WDR47: variants seen among roughly 807,000 people sequenced by gnomAD.
WDR47 encodes WD repeat-containing protein 47.
A neutral mutation model predicts 97.2 loss-of-function variants in WDR47; 32 were observed. That is an observed-to-expected ratio of 0.33 (90% CI 0.25 to 0.44). The LOEUF is 0.44. Ranked by LOEUF, WDR47 falls within the 20% of genes least tolerant of loss-of-function variation. WDR47 has a pLI of 1.00. For missense variants in WDR47, 782 were observed against 1,102.3 expected (o/e 0.71, Z 4.11); for synonymous variants, 375 against 373.5 (o/e 1.00, Z -0.05).
rs1657437960 is a variant in WDR47, at chr1:108,971,295, G to A, written c.*135C>T. The A allele has an allele frequency of 5.9e-6, 7 of 1,194,578 alleles. No individual in the cohort carries two copies. Among genetic ancestry groups the A allele is most frequent in the Non-Finnish European group, 7.0e-6 (6 of 854,078 alleles). 74.0% of individuals were successfully genotyped at this position (1,194,578 alleles called of 1,614,324 possible). A position where few individuals can be genotyped will look rare whatever the true frequency, so the allele number is the denominator to read the frequency against. On this transcript the variant is annotated 3_prime_UTR_variant, in exon 15 of 15. Transcript: ENST00000369962. ...CACCACCCAACACCTCCTATCAGTG[G>A]GATACATGGTAATAAGGGGCCTCTT... is the stretch of plus-strand genomic sequence containing the variant.
At chr1:108,997,291 AACTT>A (rs955608673) in intron 7 of WDR47, among the ~76,000 whole-genome samples, 1 of 151,096 alleles carries the variant, frequency 6.6e-6, no homozygotes, top group African/African-American at 2.4e-5. Flanking sequence ...GAAAAAGAAA[AACTT>A]AGCCAGACAT....
chr1:108,980,706 G>T (rs1658272119), intron 13 of WDR47, among the ~76,000 whole-genome samples: 1 of 151,858 alleles, frequency 6.6e-6, no homozygotes, highest in Admixed American at 6.6e-5. Flanking sequence ...TCCAGCCTGG[G>T]TGACAGAGGG....
chr1:109,020,243 T>G (rs1283957214), intron 2 of WDR47, among the ~76,000 whole-genome samples: 11 of 151,476 alleles, frequency 7.3e-5, no homozygotes, highest in Admixed American at 4.6e-4. Flanking sequence ...TTGTTTTTTT[T>G]TTTTTTTTTT....
chr1:109,032,850 T>C (rs1053857107), intron 1 of WDR47, among the ~76,000 whole-genome samples: 11 of 151,816 alleles, frequency 7.2e-5, no homozygotes, highest in Admixed American at 3.3e-4. Context: ...TGAGCTGAGA[T>C]TGCACCACTG....
At chr1:109,021,534 A>AG (rs1450609047) in intron 2 of WDR47, among the ~76,000 whole-genome samples, 1 of 151,686 alleles carries the variant, frequency 6.6e-6, no homozygotes, top group African/African-American at 2.4e-5. Flanking sequence ...TCTCAAAAAA[A>AG]AAAAAAAAAA....
At chr1:109,024,447 C>T (rs34099480) in intron 1 of WDR47, among the ~76,000 whole-genome samples, 5,480 of 151,132 alleles carry the variant, frequency 0.036, 121 homozygotes, top group Admixed American at 0.057. Context: ...AATTAGACTC[C>T]GTCTCAAAAA....
intron 3 of WDR47, among the ~76,000 whole-genome samples, chr1:109,015,654 T>C (rs1049109707): frequency 5.3e-5 from 8 of 151,326 alleles, no homozygotes; most frequent in African/African-American, 1.7e-4. Context: ...TTGAATGCAT[T>C]TGAAAAGCTG....
chr1:108,988,637 G>A (rs376628304), intron 9 of WDR47, among the ~76,000 whole-genome samples: 1 of 151,934 alleles, frequency 6.6e-6, no homozygotes, highest in East Asian at 1.9e-4. Flanking sequence ...AGCTGAGATC[G>A]CACCACTGCA....
intron 13 of WDR47, among the ~76,000 whole-genome samples, chr1:108,975,629 A>G (rs1657829541): frequency 6.6e-6 from 1 of 151,824 alleles, no homozygotes; most frequent in Non-Finnish European, 1.5e-5. Context: ...TCAAAAAAAA[A>G]TAATAAATTT....
chr1:109,024,452 CA>C (rs369765831), intron 1 of WDR47, among the ~76,000 whole-genome samples: 20 of 144,066 alleles, frequency 1.4e-4, no homozygotes, highest in Admixed American at 4.2e-4. Context: ...GACTCCGTCT[CA>C]AAAAAAAAAG....
intron 6 of WDR47, among the ~76,000 whole-genome samples, chr1:109,004,166 G>A (rs745849882): frequency 1.3e-5 from 2 of 151,928 alleles, no homozygotes; most frequent in African/African-American, 4.8e-5. Context: ...TCGGGAGGCT[G>A]AGGCAGGAGA....
At chr1:108,973,920 A>G (rs1175184175) in intron 14 of WDR47, among the ~76,000 whole-genome samples, 1 of 150,506 alleles carries the variant, frequency 6.6e-6, no homozygotes, top group Non-Finnish European at 1.5e-5. Context: ...AAGGTTGGGC[A>G]TGATGGCTCA....
chr1:108,981,303 C>T (rs1025183672), intron 13 of WDR47, among the ~76,000 whole-genome samples: 11 of 151,806 alleles, frequency 7.2e-5, no homozygotes, highest in Non-Finnish European at 1.5e-4. Flanking sequence ...AGGGTACATA[C>T]AAACTTTCTG....
At chr1:108,992,948 T>G in intron 8 of WDR47, 2 of 803,838 alleles carry the variant, frequency 2.5e-6, no homozygotes, top group Non-Finnish European at 3.9e-6. Flanking sequence ...AACTTAAGTT[T>G]CCAACTTAAA....
intron 1 of WDR47, among the ~76,000 whole-genome samples, chr1:109,028,048 C>A (rs1157790896): frequency 2.0e-5 from 3 of 152,112 alleles, no homozygotes; most frequent in Admixed American, 2.0e-4. Context: ...TTAGGAACTA[C>A]TAAAATTATC....
At chr1:108,981,980 C>A in intron 12 of WDR47, 116 bp from the exon 13 acceptor site, 1 of 1,183,408 alleles carries the variant, frequency 8.5e-7, no homozygotes, top group Non-Finnish European at 1.2e-6. Context: ...CCCAGCTACT[C>A]AGGAGGCTGA....
chr1:109,035,247 GA>G (rs1174235842), intron 1 of WDR47, among the ~76,000 whole-genome samples: 1,403 of 64,878 alleles, frequency 0.022, 9 homozygotes, highest in Middle Eastern at 0.042. Context: ...CCCTGTCTCA[GA>G]AAAAAAAAAA....
intron 1 of WDR47, among the ~76,000 whole-genome samples, chr1:109,023,960 G>A (rs1490637314): frequency 1.3e-5 from 2 of 152,146 alleles, no homozygotes; most frequent in African/African-American, 4.8e-5. Flanking sequence ...ACCATGTTTA[G>A]CTATGTCCCA....
rs749752167 is a variant in WDR47, at chr1:108,982,619, A to G, written c.2256T>C (p.Ser752=). The change falls in exon 12 of 15, where the codon AGT becomes AGC. Residue 752 remains serine, a synonymous_variant. Transcript: ENST00000369962. Reference sequence around the variant, plus strand: ...ACTGATATTACATACCAGTATGTCCACTCAAAGCATGGAGGCCCTGTCCTC... The same window carrying G: ...ACTGATATTACATACCAGTATGTCCGCTCAAAGCATGGAGGCCCTGTCCTC... ...CQRGQGLHAL[S]GHTGHILALY... is the part of the protein sequence containing the mutation. 1 of 1,602,254 alleles carries G rather than the reference A, an allele frequency of 6.2e-7. No homozygotes were observed. The highest frequency in any genetic ancestry group is 8.5e-7 in the Non-Finnish European group (1 of 1,177,042).
Sources: gnomAD v4.1 joint callset for allele counts (sites outside exome capture counted in the v4.1 genomes callset) on GRCh38, gnomAD v4.1.1 for gene constraint, MANE v1.5 for transcripts, NCBI Gene and HGNC (gene_info 2026-07-23, HGNC 2026-07-21) for gene names.